BRF1: variants seen among roughly 807,000 people sequenced by gnomAD.
The protein encoded by BRF1 is transcription factor IIIB 90 kDa subunit.
A neutral mutation model predicts 81.7 loss-of-function variants in BRF1; 59 were observed. The ratio of observed to expected loss-of-function variants is 0.72; its 90% confidence interval spans 0.59 to 0.90. BRF1 has a LOEUF of 0.90. Among genes scored for constraint, BRF1 ranks in the 40% least tolerant of loss-of-function variants. The probability of loss-of-function intolerance (pLI) is 0.00; values close to 1 mark genes in which losing one functional copy is unlikely to be tolerated. For missense variants in BRF1, 1,050 were observed against 936.3 expected (o/e 1.12, Z -1.58); for synonymous variants, 491 against 395.6 (o/e 1.24, Z -2.86).
rs77208236 is a variant in BRF1, at chr14:105,214,073, T to C, written c.1773-1909A>G. 4.6e-5 allele frequency among the ~76,000 whole-genome samples: 7 copies of C among 152,360 alleles called. No individual in the cohort carries two copies. The East Asian group carries it at 1.2e-3, about 25-fold the overall frequency. ...GCCCATTGTTCACGCAAACCCACTG[T>C]TGGGCTCAGGCTGCTCCCTCTCGCA... is the stretch of plus-strand genomic sequence containing the variant. On this transcript the variant is annotated intron_variant, in intron 15 of 17. Transcript: ENST00000547530.
chr14:105,250,594 G>T (rs1404311028), intron 5 of BRF1: 1 of 1,614,006 alleles, frequency 6.2e-7, no homozygotes, highest in African/African-American at 1.3e-5. Flanking sequence ...TGGCCTTCCA[G>T]TTCCAGTGCT....
In BRF1 at chr14:105,274,919, G is replaced by T. The variant is rs889688987; in HGVS notation, c.266-2025C>A. Among the ~76,000 whole-genome samples, 4 of 152,230 alleles carry T rather than the reference G, an allele frequency of 2.6e-5. No homozygotes were observed. The East Asian group carries it at 5.8e-4, about 22-fold the overall frequency. ...GGGTACCCAGAGGACATGTGTGGTG[G>T]GTCACGGCTCGATGCAGAGGAATGC... On this transcript the variant is annotated intron_variant, in intron 2 of 17. Coordinates refer to ENST00000547530, the MANE Select transcript of BRF1 (RefSeq NM_001519.4).
chr14:105,291,272 C>A (rs1016466750), intron 1 of BRF1, among the ~76,000 whole-genome samples: 2 of 152,192 alleles, frequency 1.3e-5, no homozygotes, highest in Non-Finnish European at 2.9e-5. Flanking sequence ...GACAGAAAGG[C>A]GGGCCAGGGG....
At chr14:105,272,625 C>A in intron 3 of BRF1, 96 bp downstream of exon 3, 1 of 1,428,574 alleles carries the variant, frequency 7.0e-7, no homozygotes, top group Admixed American at 2.3e-5. Context: ...TAAAGACAAA[C>A]ACCAAGTTAC....
chr14:105,262,347 T>C (rs1454701514), intron 3 of BRF1, among the ~76,000 whole-genome samples: 1 of 151,776 alleles, frequency 6.6e-6, no homozygotes, highest in Admixed American at 6.6e-5. Context: ...GCTCTGGGAG[T>C]CCCTGAATGA....
intron 1 of BRF1, among the ~76,000 whole-genome samples, chr14:105,296,258 C>G (rs936585436): frequency 6.6e-6 from 1 of 152,106 alleles, no homozygotes; most frequent in Non-Finnish European, 1.5e-5. Flanking sequence ...GGTGCAACAG[C>G]TCACACCTGT....
upstream of BRF1, among the ~76,000 whole-genome samples, chr14:105,303,331 C>T (rs1222683930): frequency 6.6e-6 from 1 of 152,200 alleles, no homozygotes. Context: ...GTAACCTCCA[C>T]CTCCCGGGTT....
chr14:105,209,304 A>G lies in BRF1; in HGVS notation c.*1247T>C, dbSNP rs1889815122. Reference sequence around the variant, plus strand: ...CAGGCAATTTCTGTTAAGTAACAACAGATCTTCCTGCTTTACTAAATCTAT... The same window carrying G: ...CAGGCAATTTCTGTTAAGTAACAACGGATCTTCCTGCTTTACTAAATCTAT... On this transcript the variant is annotated 3_prime_UTR_variant, in exon 18 of 18. Coordinates refer to ENST00000547530, the MANE Select transcript of BRF1 (RefSeq NM_001519.4). 3.8e-6 allele frequency: 2 copies of G among 524,158 alleles called. No individual in the cohort carries two copies. Among genetic ancestry groups the G allele is most frequent in the Non-Finnish European group, 6.9e-6 (2 of 291,608 alleles). The allele number at this position is 524,158 out of a possible 1,614,324, so 32.5% of individuals were successfully genotyped here. A position where few individuals can be genotyped will look rare whatever the true frequency, so the allele number is the denominator to read the frequency against.
intron 1 of BRF1, among the ~76,000 whole-genome samples, chr14:105,312,100 G>C (rs111891784): frequency 1.3e-5 from 2 of 152,340 alleles, no homozygotes; most frequent in East Asian, 3.9e-4. Context: ...CTGTGTGTCT[G>C]TGTCATCTTA....
chr14:105,228,621 G>A (rs1030660997), intron 7 of BRF1, among the ~76,000 whole-genome samples, 199 bp downstream of exon 7: 1 of 152,088 alleles, frequency 6.6e-6, no homozygotes, highest in African/African-American at 2.4e-5. Flanking sequence ...AGGACTAGCA[G>A]GGAACTCTCT....
intron 7 of BRF1, 133 bp from the exon 8 acceptor site, chr14:105,226,893 G>T: frequency 7.4e-7 from 1 of 1,350,562 alleles, no homozygotes; most frequent in Non-Finnish European, 1.0e-6. Context: ...TGGATTGCTT[G>T]AGTCCAAGAC....
chr14:105,228,587 C>A (rs1313732106), intron 7 of BRF1, among the ~76,000 whole-genome samples: 1 of 151,872 alleles, frequency 6.6e-6, no homozygotes, highest in East Asian at 1.9e-4. Context: ...GAGGATGCCT[C>A]CGCAGGATAG....
intron 1 of BRF1, among the ~76,000 whole-genome samples, chr14:105,292,848 C>T (rs932924886): frequency 5.9e-5 from 9 of 152,048 alleles, no homozygotes; most frequent in African/African-American, 2.2e-4. Flanking sequence ...AGGCCCACAC[C>T]CCTTCCCCAG....
At position 105,212,163 on chromosome 14, in the gene BRF1, A is replaced by C; in HGVS notation, c.1774T>G (p.Leu592Val). ...ADPVTSVGKRLRPLVSTQPAK... is the reference protein window; with the variant it reads ...ADPVTSVGKRVRPLVSTQPAK... ...GGCTGCGTAGACACCAGAGGCCTCA[A>C]CCTGCAAAAGGAAGCACAGCATGGC... is the stretch of plus-strand genomic sequence containing the variant. Residue 592 changes from leucine (L) to valine (V), a missense_variant and splice_region_variant, in exon 16 of 18, where the codon TTG becomes GTG. Coordinates refer to ENST00000547530, the MANE Select transcript of BRF1 (RefSeq NM_001519.4). 1.2e-6 allele frequency: 2 copies of C among 1,612,018 alleles called. No individual in the cohort carries two copies. Among genetic ancestry groups the C allele is most frequent in the Non-Finnish European group, 1.7e-6 (2 of 1,179,308 alleles).
Position 105,210,444 on chromosome 14 carries a change from G to A in BRF1, c.*107C>T, listed in dbSNP as rs1346633306. Reference sequence around the variant, plus strand: ...GTGGGACAGGTGCCACCTGTCACCAGGAGTCTCGGCGCTGGGGCCTGCCTG... The same window carrying A: ...GTGGGACAGGTGCCACCTGTCACCAAGAGTCTCGGCGCTGGGGCCTGCCTG... On this transcript the variant is annotated 3_prime_UTR_variant, in exon 18 of 18. Coordinates refer to ENST00000547530, the MANE Select transcript of BRF1 (RefSeq NM_001519.4). This position sits in a 1 kb window ranked among gnomAD's most constrained non-coding sequence, Gnocchi z 4.7. 7.9e-7 allele frequency: 1 copy of A among 1,273,464 alleles called. No homozygotes were observed. Among genetic ancestry groups the A allele is most frequent in the East Asian group, 2.5e-5 (1 of 40,334 alleles). 78.9% of individuals were successfully genotyped at this position (1,273,464 alleles called of 1,614,324 possible).
Position 105,241,401 on chromosome 14 carries a change from A to G in BRF1, c.558T>C (p.Tyr186=), listed in dbSNP as rs770279541. Residue 186 remains tyrosine, a synonymous_variant, in exon 6 of 18, where the codon TAT becomes TAC. Transcript: ENST00000547530. ...CCAGCAGGTGCGCAAAGCGTGGAATATACAGGCACGGGTCTGCGGCAGACA... is the reference window on the plus strand; with the variant it reads ...CCAGCAGGTGCGCAAAGCGTGGAATGTACAGGCACGGGTCTGCGGCAGACA... ...INAPAIDPCL[Y]IPRFAHLLEF... 2 of 1,612,394 alleles carry G rather than the reference A, an allele frequency of 1.2e-6. No individual in the cohort carries two copies. The highest frequency in any genetic ancestry group is 1.7e-5 in the Admixed American group (1 of 60,012).
intron 11 of BRF1, 129 bp from the exon 12 acceptor site, chr14:105,220,259 C>T: frequency 1.0e-6 from 1 of 997,826 alleles, no homozygotes; most frequent in Non-Finnish European, 1.5e-6. Context: ...CCCTCCTCTG[C>T]ACTGGTGGGT....
chr14:105,252,685 G>T, intron 4 of BRF1, 106 bp from the exon 5 acceptor site: 1 of 1,223,410 alleles, frequency 8.2e-7, no homozygotes, highest in Non-Finnish European at 1.1e-6. Flanking sequence ...GACTCCGATG[G>T]CCCGTGGAGC....
intron 3 of BRF1, among the ~76,000 whole-genome samples, chr14:105,265,069 G>GT (rs2056348813): frequency 7.9e-6 from 1 of 126,562 alleles, no homozygotes; most frequent in African/African-American, 3.3e-5. Context: ...TTTTTTGTTT[G>GT]TTTGTTTTTT....
Sources: allele counts gnomAD v4.1 joint callset (sites outside exome capture counted in the v4.1 genomes callset), GRCh38; gene constraint gnomAD v4.1.1; non-coding constraint Gnocchi (gnomAD v3.1); transcripts MANE v1.5; gene names NCBI Gene and HGNC (gene_info 2026-07-23, HGNC 2026-07-21).